The following ASIC2 variants were observed in gnomAD, a reference collection of about 807,000 sequenced individuals.
ASIC2 encodes the protein acid-sensing ion channel 2.
In ASIC2, 25 loss-of-function variants were observed where a neutral mutation model predicts 57.3. That is an observed-to-expected ratio of 0.44 (90% confidence interval 0.32 to 0.61). The LOEUF is 0.61. Among genes scored for constraint, ASIC2 ranks in the 20% least tolerant of loss-of-function variants. ASIC2 has a pLI of 0.06. For synonymous variants in ASIC2, 319 were observed against 307.5 expected, an observed-to-expected ratio of 1.04 and a Z score of -0.39; for missense variants, 641 against 738.1, an observed-to-expected ratio of 0.87 and a Z score of 1.52.
chr17:33,178,307 A>C (rs934589287), intron 1 of ASIC2, among the ~76,000 whole-genome samples: 1 of 152,112 alleles, frequency 6.6e-6, no homozygotes, highest in African/African-American at 2.4e-5. Flanking sequence ...TATGACTGTC[A>C]TACAAAAAAA....
At chr17:33,588,851 T>C (rs1332437445) in intron 1 of ASIC2, among the ~76,000 whole-genome samples, 2 of 152,184 alleles carry the variant, frequency 1.3e-5, no homozygotes, top group African/African-American at 4.8e-5. Context: ...TTGGCATGTG[T>C]TAAGAACTGT....
intron 1 of ASIC2, among the ~76,000 whole-genome samples, chr17:33,947,854 G>C (rs1393317902): frequency 6.6e-6 from 1 of 152,148 alleles, no homozygotes; most frequent in Non-Finnish European, 1.5e-5. Flanking sequence ...ATTTTTACCA[G>C]TGTTAAATAT....
chr17:33,030,272 C>T (rs1227792655), intron 3 of ASIC2, among the ~76,000 whole-genome samples: 1 of 152,190 alleles, frequency 6.6e-6, no homozygotes, highest in South Asian at 2.1e-4. Context: ...TTTGCAGTCA[C>T]TGCCTCCCTG....
chr17:33,835,907 C>T (rs1913259051), intron 1 of ASIC2, among the ~76,000 whole-genome samples: 1 of 151,246 alleles, frequency 6.6e-6, no homozygotes, highest in Non-Finnish European at 1.5e-5. Context: ...CTCAGGCTCC[C>T]AAATTGCTGG....
chr17:33,475,709 A>G (rs1360094750), intron 1 of ASIC2, among the ~76,000 whole-genome samples: 1 of 152,190 alleles, frequency 6.6e-6, no homozygotes. Context: ...TTTTCAGTGT[A>G]ACAGCGTGGC....
At chr17:33,191,333 G>C (rs1380487910) in intron 1 of ASIC2, among the ~76,000 whole-genome samples, 1 of 152,156 alleles carries the variant, frequency 6.6e-6, no homozygotes, top group African/African-American at 2.4e-5. Flanking sequence ...GAGATGGAAG[G>C]AAGAATTAAT....
intron 1 of ASIC2, among the ~76,000 whole-genome samples, chr17:33,290,456 GC>G (rs2142180371): frequency 6.6e-6 from 1 of 152,322 alleles, no homozygotes; most frequent in Admixed American, 6.5e-5. Context: ...TCATGCTGGG[GC>G]CTGGCACCAG....
intron 1 of ASIC2, among the ~76,000 whole-genome samples, chr17:33,225,077 A>G (rs1457589077): frequency 6.6e-6 from 1 of 152,220 alleles, no homozygotes; most frequent in African/African-American, 2.4e-5. Context: ...CCTCCTGAGT[A>G]TGAACAGGTC....
chr17:33,715,805 T>C (rs1909200238), intron 1 of ASIC2, among the ~76,000 whole-genome samples: 1 of 152,146 alleles, frequency 6.6e-6, no homozygotes, highest in Admixed American at 6.5e-5. Flanking sequence ...AATAAGATCA[T>C]GTCCCTAGAG....
At chr17:34,075,916 C>T (rs1168354323) in intron 1 of ASIC2, among the ~76,000 whole-genome samples, 1 of 150,858 alleles carries the variant, frequency 6.6e-6, no homozygotes, top group Non-Finnish European at 1.5e-5. Context: ...GCAACCTCTG[C>T]CTCCCAGGTT....
chr17:34,078,452 T>C (rs1909752407), intron 1 of ASIC2, among the ~76,000 whole-genome samples: 1 of 152,116 alleles, frequency 6.6e-6, no homozygotes. Context: ...CACTCTCTAC[T>C]GCCCAACCCA....
intron 1 of ASIC2, among the ~76,000 whole-genome samples, chr17:34,098,992 G>A (rs62059038): frequency 0.15 from 21,982 of 151,476 alleles, 1,770 homozygotes; most frequent in African/African-American, 0.2. Context: ...TGGTGGGGGA[G>A]GTGACATTCA....
intron 1 of ASIC2, among the ~76,000 whole-genome samples, chr17:33,775,666 T>C (rs1911248136): frequency 6.6e-6 from 1 of 152,044 alleles, no homozygotes; most frequent in African/African-American, 2.4e-5. Flanking sequence ...ATGTTTGTGG[T>C]ATGTGTGTGT....
intron 1 of ASIC2, among the ~76,000 whole-genome samples, chr17:34,073,688 T>G (rs1000609846): frequency 1.3e-4 from 20 of 152,226 alleles, no homozygotes; most frequent in African/African-American, 4.1e-4. Context: ...ACTTACCTAC[T>G]TTATTTTCTT....
intron 1 of ASIC2, among the ~76,000 whole-genome samples, chr17:34,008,632 T>TA (rs1906609763): frequency 6.6e-6 from 1 of 152,084 alleles, no homozygotes; most frequent in Non-Finnish European, 1.5e-5. Context: ...TGAGGAGTCA[T>TA]ACATATCTAG....
chr17:33,322,287 G>A (rs1255115655), intron 1 of ASIC2, among the ~76,000 whole-genome samples: 3 of 152,148 alleles, frequency 2.0e-5, no homozygotes, highest in Non-Finnish European at 4.4e-5. Flanking sequence ...TCTGCCTTCC[G>A]AGTGACAGTA....
chr17:33,015,274 G>A (rs1216834521), intron 9 of ASIC2, among the ~76,000 whole-genome samples: 1 of 152,208 alleles, frequency 6.6e-6, no homozygotes, highest in Non-Finnish European at 1.5e-5. Context: ...GGCGACACCT[G>A]CACCCATCAG....
At chr17:33,205,783 G>A (rs1212051237) in intron 1 of ASIC2, among the ~76,000 whole-genome samples, 3 of 152,190 alleles carry the variant, frequency 2.0e-5, no homozygotes, top group Admixed American at 1.3e-4. Flanking sequence ...ATGCCGCAGG[G>A]CTGGGACTGC....
At chr17:33,729,660 G>C (rs1909677856) in intron 1 of ASIC2, among the ~76,000 whole-genome samples, 1 of 152,218 alleles carries the variant, frequency 6.6e-6, no homozygotes, top group African/African-American at 2.4e-5. Context: ...AACTGCTTTT[G>C]CTTTAAATTC....
Sources: gnomAD v4.1 joint callset for allele counts (sites outside exome capture counted in the v4.1 genomes callset) on GRCh38, gnomAD v4.1.1 for gene constraint, MANE v1.5 for transcripts, NCBI Gene and HGNC (gene_info 2026-07-23, HGNC 2026-07-21) for gene names.